The following FSTL5 variants were observed in gnomAD, a reference collection of about 807,000 sequenced individuals.
FSTL5 encodes follistatin like 5, also known as follistatin-related protein 5.
A neutral mutation model predicts 89.1 loss-of-function variants in FSTL5; 62 were observed. That is an observed-to-expected ratio of 0.70 (90% CI 0.57 to 0.86). The LOEUF is 0.86. Ranked by LOEUF, FSTL5 falls within the 40% of genes least tolerant of loss-of-function variation. The pLI, the probability that FSTL5 is intolerant of heterozygous loss-of-function variation, is 0.00. For synonymous variants in FSTL5, 383 were observed against 346.2 expected (o/e 1.11, Z -1.18); for missense variants, 1,057 against 1,001.6 (o/e 1.06, Z -0.75).
At chr4:161,985,100 G>A (rs2111059575) in intron 3 of FSTL5, among the ~76,000 whole-genome samples, 1 of 152,020 alleles carries the variant, frequency 6.6e-6, no homozygotes, top group South Asian at 2.1e-4. Context: ...GAGATTACAG[G>A]CGTGTGCCAC....
At chr4:161,792,637 C>A (rs979009183) in intron 4 of FSTL5, among the ~76,000 whole-genome samples, 2 of 152,236 alleles carry the variant, frequency 1.3e-5, no homozygotes, top group East Asian at 3.9e-4. Context: ...GGCCGGCCTA[C>A]ATATAGAAGC....
Position 161,455,135 on chromosome 4 carries a change from A to G in FSTL5, c.1717-7T>C, listed in dbSNP as rs1225364880. 6.3e-7 allele frequency: 1 copy of G among 1,596,200 alleles called. No homozygotes were observed. Among genetic ancestry groups the G allele is most frequent in the Non-Finnish European group, 8.5e-7 (1 of 1,173,254 alleles). On this transcript the variant is annotated splice_polypyrimidine_tract_variant and splice_region_variant and intron_variant, in intron 14 of 15. Coordinates refer to ENST00000306100, the MANE Select transcript of FSTL5 (RefSeq NM_020116.5). Reference sequence around the variant, plus strand: ...CACTGGCCAGGGTAATTACCTAAAGAGAACACACCTTGGTTAGACCTCAAC... The same window carrying G: ...CACTGGCCAGGGTAATTACCTAAAGGGAACACACCTTGGTTAGACCTCAAC...
At chr4:161,974,357 C>A (rs1297378174) in intron 3 of FSTL5, among the ~76,000 whole-genome samples, 1 of 151,282 alleles carries the variant, frequency 6.6e-6, no homozygotes, top group Non-Finnish European at 1.5e-5. Flanking sequence ...AACTATACTA[C>A]AAGGCTACAG....
chr4:161,967,652 G>A (rs936009464), intron 3 of FSTL5, among the ~76,000 whole-genome samples: 2 of 151,824 alleles, frequency 1.3e-5, no homozygotes, highest in Non-Finnish European at 2.9e-5. Flanking sequence ...ATTAGGTGCA[G>A]ACAAAAACAT....
intron 6 of FSTL5, among the ~76,000 whole-genome samples, chr4:161,707,798 A>G (rs1738632151): frequency 6.6e-6 from 1 of 151,968 alleles, no homozygotes; most frequent in African/African-American, 2.4e-5. Context: ...TACAGAAGAA[A>G]ACAAAACTAA....
chr4:161,877,100 C>T (rs527331961), intron 4 of FSTL5, among the ~76,000 whole-genome samples: 10 of 150,694 alleles, frequency 6.6e-5, no homozygotes, highest in African/African-American at 2.4e-4. Flanking sequence ...AGGAGAATCA[C>T]TTGAACCCAG....
chr4:161,713,067 CCA>C (rs1738854600), intron 6 of FSTL5, among the ~76,000 whole-genome samples: 1 of 152,092 alleles, frequency 6.6e-6, no homozygotes, highest in Admixed American at 6.6e-5. Context: ...GTTGCCATGT[CCA>C]GACAAAGTAA....
At chr4:161,925,964 G>T (rs944975811) in intron 3 of FSTL5, among the ~76,000 whole-genome samples, 4 of 151,882 alleles carry the variant, frequency 2.6e-5, no homozygotes, top group African/African-American at 9.7e-5. Context: ...TAAATATTTT[G>T]ATTTAGAATT....
At chr4:161,938,648 A>G (rs1049500777) in intron 3 of FSTL5, among the ~76,000 whole-genome samples, 3 of 152,064 alleles carry the variant, frequency 2.0e-5, no homozygotes, top group African/African-American at 7.2e-5. Context: ...AAAATAATAA[A>G]CTGGTCAAAT....
chr4:161,993,935 G>T (rs922417333), intron 3 of FSTL5, among the ~76,000 whole-genome samples: 1 of 151,994 alleles, frequency 6.6e-6, no homozygotes, highest in Non-Finnish European at 1.5e-5. Flanking sequence ...TACACGTGGA[G>T]GTTTGTTACA....
At chr4:161,826,348 C>G (rs1333270212) in intron 4 of FSTL5, among the ~76,000 whole-genome samples, 1 of 152,098 alleles carries the variant, frequency 6.6e-6, no homozygotes, top group Non-Finnish European at 1.5e-5. Flanking sequence ...AATGTATATT[C>G]TGCAGTTGTT....
chr4:161,900,171 C>T (rs147688282), intron 4 of FSTL5, among the ~76,000 whole-genome samples: 233 of 151,052 alleles, frequency 1.5e-3, no homozygotes, highest in African/African-American at 5.5e-3. Flanking sequence ...CTCCAGCCTG[C>T]GTGACAGAGC....
At position 161,685,034 on chromosome 4, in the gene FSTL5, C is replaced by T. The variant is rs549271859; in HGVS notation, c.728-28540G>A. 1.1e-4 allele frequency among the ~76,000 whole-genome samples: 16 copies of T among 151,980 alleles called. No individual in the cohort carries two copies. In the South Asian group the frequency reaches 2.1e-3, roughly 20 times the overall value. ...TTTCCCCTTTTTATTTTTTTGTTTG[C>T]TTTGTCGAAGATCAGTTGGCTGTAA... On this transcript the variant is annotated intron_variant, in intron 6 of 15. Transcript: ENST00000306100.
intron 7 of FSTL5, among the ~76,000 whole-genome samples, chr4:161,627,567 A>G (rs1429289503): frequency 6.6e-6 from 1 of 152,180 alleles, no homozygotes; most frequent in Non-Finnish European, 1.5e-5. Context: ...CTGAAAGTCT[A>G]GAAAATGTGT....
At chr4:161,947,136 G>GTA (rs1404444635) in intron 3 of FSTL5, among the ~76,000 whole-genome samples, 1 of 125,384 alleles carries the variant, frequency 8.0e-6, no homozygotes, top group African/African-American at 2.6e-5. Flanking sequence ...TGGGGTGTGT[G>GTA]TGTGTATGTG....
chr4:161,764,237 C>T (rs371105391), intron 5 of FSTL5, among the ~76,000 whole-genome samples: 80 of 152,242 alleles, frequency 5.3e-4, no homozygotes, highest in African/African-American at 1.6e-3. Flanking sequence ...ATAACAAATG[C>T]TATCCTACAA....
chr4:161,423,832 TTTTTATTTTATTTTA>T (rs553668067), intron 15 of FSTL5, among the ~76,000 whole-genome samples: 1 of 151,258 alleles, frequency 6.6e-6, no homozygotes, highest in Non-Finnish European at 1.5e-5. Context: ...TTTCCTAGTA[TTTTTATTTTATTTTA>T]TTTTATTTTA....
intron 7 of FSTL5, among the ~76,000 whole-genome samples, chr4:161,618,893 G>A (rs533408713): frequency 6.6e-6 from 1 of 152,284 alleles, no homozygotes; most frequent in Admixed American, 6.5e-5. Flanking sequence ...TCAATCCTAA[G>A]CCAAAAGAAC....
intron 7 of FSTL5, among the ~76,000 whole-genome samples, chr4:161,649,946 G>A (rs763783302): frequency 1.5e-4 from 23 of 152,150 alleles, no homozygotes; most frequent in Non-Finnish European, 2.6e-4. Context: ...AGATTACCTT[G>A]TGGATGGAAG....
Sources: gnomAD v4.1 joint callset for allele counts (sites outside exome capture counted in the v4.1 genomes callset) on GRCh38, gnomAD v4.1.1 for gene constraint, MANE v1.5 for transcripts, NCBI Gene and HGNC (gene_info 2026-07-23, HGNC 2026-07-21) for gene names.